Variants in LSP1 observed in about 807,000 individuals in gnomAD.
The protein encoded by LSP1 is lymphocyte-specific protein 1.
In LSP1, 32 loss-of-function variants were observed where a neutral mutation model predicts 49.3. The ratio of observed to expected loss-of-function variants is 0.65; its 90% CI spans 0.49 to 0.87. The LOEUF (loss-of-function observed/expected upper bound fraction) is 0.87. LSP1 is among the 40% of genes least tolerant of loss of function. LSP1 has a pLI of 0.00. For missense variants in LSP1, 428 were observed against 442.6 expected (o/e 0.97, Z 0.30); for synonymous variants, 179 against 178.8 (o/e 1.00, Z -0.01).
chr11:1,884,052 T>A lies in LSP1; in HGVS notation c.591+28T>A, dbSNP rs768426951. ...AAGTTAAGCTGCAAAGCCTGCCATC[T>A]TCTCCCCTCTCCCGTACTCATACCC... On this transcript the variant is annotated intron_variant, in intron 5 of 10. Transcript: ENST00000311604. The surrounding 1 kb of genome is among the most constrained non-coding windows in gnomAD (Gnocchi z 4.1). 5.7e-6 allele frequency: 9 copies of A among 1,591,700 alleles called. No individual in the cohort carries two copies. The South Asian group carries it at 1.0e-4, about 18-fold the overall frequency.
intron 10 of LSP1, chr11:1,889,663 G>A (rs1390367750): frequency 7.9e-6 from 5 of 632,422 alleles, no homozygotes; most frequent in Non-Finnish European, 1.4e-5. Flanking sequence ...CTGGACACTC[G>A]CTCGGCCTCA....
At chr11:1,860,227 T>A (rs1271719075) in intron 1 of LSP1, among the ~76,000 whole-genome samples, 1 of 151,976 alleles carries the variant, frequency 6.6e-6, no homozygotes, top group African/African-American at 2.4e-5. Flanking sequence ...TGAAGAATGA[T>A]AGGAAGTAGG....
chr11:1,880,108 G>C lies in LSP1; in HGVS notation c.75G>C (p.Val25=), dbSNP rs1275228017. 6.2e-7 allele frequency: 1 copy of C among 1,609,472 alleles called. No individual in the cohort carries two copies. Among genetic ancestry groups the C allele is most frequent in the African/African-American group, 1.3e-5 (1 of 74,760 alleles). The change falls in exon 2 of 11, where the codon GTG becomes GTC. Residue 25 remains valine, a synonymous_variant. Transcript: ENST00000311604. ...ELLGPTAQWS[V]EDEEEAVHEQ... ...CTAGGCCCACTGCTCAGTGGAGCGT[G>C]GAGGACGAGGAGGAGGCCGTCCACG...
intron 1 of LSP1, among the ~76,000 whole-genome samples, chr11:1,875,092 C>A (rs2133096566): frequency 6.7e-6 from 1 of 149,084 alleles, no homozygotes; most frequent in Admixed American, 6.6e-5. Context: ...GGGGCTTCGG[C>A]ATGTAAAGCC....
chr11:1,870,906 A>G, intron 1 of LSP1: 2 of 985,876 alleles, frequency 2.0e-6, no homozygotes, highest in Non-Finnish European at 2.4e-6. Context: ...CAGCTGGCCC[A>G]GGCGCCGCAG....
intron 2 of LSP1, 25 bp downstream of exon 2, chr11:1,880,249 T>G (rs777512918): frequency 4.6e-5 from 72 of 1,557,256 alleles, no homozygotes; most frequent in Non-Finnish European, 6.2e-5. Flanking sequence ...AACGCGTGCC[T>G]GGGCTCTAGC....
chr11:1,858,789 G>T (rs1204301947), intron 1 of LSP1, among the ~76,000 whole-genome samples: 1 of 152,208 alleles, frequency 6.6e-6, no homozygotes, highest in African/African-American at 2.4e-5. Flanking sequence ...GGGTGGGGTT[G>T]ATAGGAGATT....
chr11:1,856,212 C>T (rs1847486036), intron 1 of LSP1, among the ~76,000 whole-genome samples: 1 of 152,202 alleles, frequency 6.6e-6, no homozygotes, highest in Admixed American at 6.5e-5. Context: ...GACCCTACCC[C>T]CAGTCTGTTC....
chr11:1,890,851 C>G, intron 10 of LSP1: 1 of 514,820 alleles, frequency 1.9e-6, no homozygotes, highest in Non-Finnish European at 3.5e-6. Flanking sequence ...TAGAACCTGC[C>G]TCCAGGGCTC....
intron 1 of LSP1, among the ~76,000 whole-genome samples, chr11:1,878,774 C>G (rs190563166): frequency 1.1e-4 from 17 of 152,264 alleles, no homozygotes; most frequent in Non-Finnish European, 2.1e-4. Context: ...GGCTCCCTCC[C>G]TGGGTCTGGG....
intron 1 of LSP1, among the ~76,000 whole-genome samples, chr11:1,878,875 C>A (rs776452631): frequency 6.6e-6 from 1 of 152,094 alleles, no homozygotes; most frequent in African/African-American, 2.4e-5. Context: ...GCTGAGGCTG[C>A]GGTGTCTGCA....
In LSP1 at chr11:1,887,505, T is replaced by C. The variant is rs1490256278; in HGVS notation, c.962T>C (p.Val321Ala). The change falls in exon 10 of 11, where the codon GTG becomes GCG. Residue 321 changes from valine (V) to alanine (A), a missense_variant. Physicochemically the swap from Val to Ala is moderately conservative, Grantham distance 64. Transcript: ENST00000311604. The part of the protein sequence containing the change: ...STPSGKRYKF[V>A]ATGHGKYEKV... ...CCATCTGGGAAGAGGTATAAGTTTG[T>C]GGCCACCGGGCATGGGAAGTATGAG... is the stretch of plus-strand genomic sequence containing the variant. 1 of 1,613,858 alleles carries C rather than the reference T, an allele frequency of 6.2e-7. No homozygotes were observed. The highest frequency in any genetic ancestry group is 8.5e-7 in the Non-Finnish European group (1 of 1,179,946).
In LSP1 at chr11:1,880,235, C is replaced by G. The variant is rs756341065; in HGVS notation, c.191+11C>G. 6.3e-7 allele frequency: 1 copy of G among 1,582,528 alleles called. No individual in the cohort carries two copies. The highest frequency in any genetic ancestry group is 8.6e-7 in the Non-Finnish European group (1 of 1,161,552). ...GAAGCAGGAGATGCTGTGAGCAGCC[C>G]CATAACGCGTGCCTGGGCTCTAGCC... On this transcript the variant is annotated intron_variant, in intron 2 of 10. Coordinates refer to ENST00000311604, the MANE Select transcript of LSP1 (RefSeq NM_002339.3).
At chr11:1,860,083 T>C (rs1310817213) in intron 1 of LSP1, among the ~76,000 whole-genome samples, 1 of 152,230 alleles carries the variant, frequency 6.6e-6, no homozygotes, top group African/African-American at 2.4e-5. Context: ...GTGTTCAGCC[T>C]CCTGGGCCAT....
intron 1 of LSP1, among the ~76,000 whole-genome samples, chr11:1,878,035 G>A (rs560919344): frequency 6.6e-6 from 1 of 152,094 alleles, no homozygotes; most frequent in Non-Finnish European, 1.5e-5. Flanking sequence ...TGTGGAGCTG[G>A]AGTGAGGGCC....
At position 1,881,568 on chromosome 11, in the gene LSP1, A is replaced by T; in HGVS notation, c.328A>T (p.Arg110Trp). 1.3e-6 allele frequency: 2 copies of T among 1,525,234 alleles called. No homozygotes were observed. The highest frequency in any genetic ancestry group is 1.8e-6 in the Non-Finnish European group (2 of 1,133,458). 94.5% of individuals were successfully genotyped at this position (1,525,234 alleles called of 1,614,324 possible). ...GGACAGCGGAGAGCCCCCCCAGTGCAGGAGTCCTGAGGGGGAGCAAGAGGA... is the reference window on the plus strand; with the variant it reads ...GGACAGCGGAGAGCCCCCCCAGTGCTGGAGTCCTGAGGGGGAGCAAGAGGA... The part of the protein sequence containing the change: ...ALDSGEPPQC[R>W]SPEGEQEDRP... The change falls in exon 3 of 11, where the codon AGG becomes TGG. Residue 110 changes from arginine (R) to tryptophan (W), a missense_variant. Transcript: ENST00000311604.
At chr11:1,874,642 G>T (rs1423565156) in intron 1 of LSP1, among the ~76,000 whole-genome samples, 1 of 152,118 alleles carries the variant, frequency 6.6e-6, no homozygotes, top group African/African-American at 2.4e-5. Context: ...TGGGCTGGAT[G>T]AGCCAGGGAG....
rs918711693 is a variant in LSP1 at position 1,866,413 on chromosome 11, G to C, written c.53+13216G>C. ...GCTAAGTGGGGTCTGAGGAGTTGAG[G>C]GCAGCCCGGCTCACCCCTCCTCCCC... is the stretch of plus-strand genomic sequence containing the variant. On this transcript the variant is annotated intron_variant, in intron 1 of 10. Transcript: ENST00000311604. 6 of 1,418,276 alleles carry C rather than the reference G, an allele frequency of 4.2e-6. No homozygotes were observed. In the African/African-American group the frequency reaches 8.7e-5, roughly 21 times the overall value. The allele number at this position is 1,418,276 out of a possible 1,614,324, so 87.9% of individuals were successfully genotyped here. A position where few individuals can be genotyped will look rare whatever the true frequency, so the allele number is the denominator to read the frequency against.
chr11:1,889,023 C>T (rs1589834761), intron 10 of LSP1: 2 of 568,672 alleles, frequency 3.5e-6, no homozygotes, highest in South Asian at 2.1e-5. Flanking sequence ...GGCTGCCCTG[C>T]ACCCCATGCC....
Sources: gnomAD v4.1 joint callset for allele counts (sites outside exome capture counted in the v4.1 genomes callset) on GRCh38, gnomAD v4.1.1 for gene constraint, Gnocchi (gnomAD v3.1) non-coding constraint, MANE v1.5 for transcripts, NCBI Gene and HGNC (gene_info 2026-07-23, HGNC 2026-07-21) for gene names.